The following CCDC88B variants were observed in gnomAD, a reference collection of about 807,000 sequenced individuals.
CCDC88B encodes the protein coiled-coil domain-containing protein 88B.
A neutral mutation model predicts 183.7 loss-of-function variants in CCDC88B; 138 were observed. The ratio of observed to expected loss-of-function variants is 0.75; its 90% CI spans 0.65 to 0.87. The LOEUF (loss-of-function observed/expected upper bound fraction) is 0.87. Among genes scored for constraint, CCDC88B ranks in the 40% least tolerant of loss-of-function variants. The pLI is 0.00. For synonymous variants in CCDC88B, 835 were observed against 867.5 expected (o/e 0.96, Z 0.66); for missense variants, 1,822 against 1,965.6 (o/e 0.93, Z 1.38).
In CCDC88B at chr11:64,340,674, A is replaced by C; in HGVS notation, c.128A>C (p.Glu43Ala). Residue 43 changes from glutamate (E) to alanine (A), a missense_variant, in exon 2 of 27, where the codon GAA becomes GCA. Coordinates refer to ENST00000356786, the MANE Select transcript of CCDC88B (RefSeq NM_032251.6). ...DSEGEEEEEE[E>A]EPPLWLEKRF... ...GAGGGGGAAGAAGAGGAAGAGGAGG[A>C]AGAGCCGCCCCTTTGGTTGGAGAAG... is the stretch of plus-strand genomic sequence containing the variant. 6.2e-7 allele frequency: 1 copy of C among 1,612,124 alleles called. No individual in the cohort carries two copies. Among genetic ancestry groups the C allele is most frequent in the Non-Finnish European group, 8.5e-7 (1 of 1,179,796 alleles).
chr11:64,344,587 T>G lies in CCDC88B; in HGVS notation c.2046T>G (p.His682Gln). The change falls in exon 14 of 27, where the codon CAT (histidine) becomes CAG (glutamine). Residue 682 changes from histidine to glutamine, a missense_variant. By Grantham distance (24) the His-to-Gln change is conservative. Transcript: ENST00000356786. The surrounding 1 kb of genome is among the most constrained non-coding windows in gnomAD (Gnocchi z 4.5). ...CGGGACAAGCAGAGGCCAGAGAGCA[T>G]GACCAGAGGCTGGAAGGGACGGTCA... ...LATGQAEARE[H>Q]DQRLEGTVRD... 1 of 1,609,780 alleles carries G rather than the reference T, an allele frequency of 6.2e-7. No homozygotes were observed. The highest frequency in any genetic ancestry group is 1.1e-5 in the South Asian group (1 of 90,608).
In CCDC88B at chr11:64,347,502, A is replaced by G. The variant is rs536814493; in HGVS notation, c.2617-1829A>G. ...AGAGTAATTTGCTCAGAGACCCATT[A>G]TGAGGATGGGGGGTGGGGAGAACAC... On this transcript the variant is annotated intron_variant, in intron 14 of 26. Coordinates refer to ENST00000356786, the MANE Select transcript of CCDC88B (RefSeq NM_032251.6). Among the ~76,000 whole-genome samples, 17 of 152,252 alleles carry G rather than the reference A, an allele frequency of 1.1e-4. No individual in the cohort carries two copies. The South Asian group carries it at 3.3e-3, about 30-fold the overall frequency.
chr11:64,347,336 G>A (rs989803130), intron 14 of CCDC88B, among the ~76,000 whole-genome samples: 2 of 152,238 alleles, frequency 1.3e-5, no homozygotes, highest in African/African-American at 4.8e-5. Flanking sequence ...GTGAAAAGGC[G>A]CGAGGAAGGG....
chr11:64,353,279 G>T, intron 21 of CCDC88B, 39 bp downstream of exon 21: 2 of 1,575,480 alleles, frequency 1.3e-6, no homozygotes, highest in Admixed American at 1.8e-5. Context: ...GGCGTGTGGT[G>T]GGGCAGAAAG....
chr11:64,346,505 A>G (rs2036110898), intron 14 of CCDC88B, among the ~76,000 whole-genome samples: 1 of 149,046 alleles, frequency 6.7e-6, no homozygotes, highest in South Asian at 2.1e-4. Flanking sequence ...CAGTGGTGCT[A>G]TCTCGGCTCA....
chr11:64,344,840 A>C lies in CCDC88B; in HGVS notation c.2299A>C (p.Lys767Gln). ...AAACACGGAGGCTGCCCGCCTCTCC[A>C]AGGAGCTGGCCCAAGCGCGAAGGGC... is the stretch of plus-strand genomic sequence containing the variant. ...AQNTEAARLS[K>Q]ELAQARRAEA... Residue 767 changes from lysine (K) to glutamine (Q), a missense_variant, in exon 14 of 27, where the codon AAG becomes CAG. By Grantham distance (53) the Lys-to-Gln change is moderately conservative. Transcript: ENST00000356786. The surrounding 1 kb of genome is among the most constrained non-coding windows in gnomAD (Gnocchi z 4.5). 6.2e-7 allele frequency: 1 copy of C among 1,612,124 alleles called. No individual in the cohort carries two copies. The highest frequency in any genetic ancestry group is 8.5e-7 in the Non-Finnish European group (1 of 1,179,336).
At chr11:64,349,911 G>C (rs2036264536) in intron 16 of CCDC88B, 10 of 563,530 alleles carry the variant, frequency 1.8e-5, no homozygotes, top group Admixed American at 9.1e-5. Context: ...GTGGATGACT[G>C]CTCCGCCTGT....
intron 11 of CCDC88B, 25 bp downstream of exon 11, chr11:64,343,350 T>C (rs1315783570): frequency 3.9e-6 from 6 of 1,548,136 alleles, no homozygotes; most frequent in Non-Finnish European, 5.2e-6. Flanking sequence ...GTGATCCCAC[T>C]TGGGTTGCCC....
chr11:64,344,799 G>T lies in CCDC88B; in HGVS notation c.2258G>T (p.Arg753Leu), dbSNP rs200509973. The change falls in exon 14 of 27, where the codon CGC (arginine) becomes CTC (leucine). Residue 753 changes from arginine to leucine, a missense_variant. Arg to Leu is a moderately radical substitution (Grantham distance 102). Transcript: ENST00000356786. This position sits in a 1 kb window ranked among gnomAD's most constrained non-coding sequence, Gnocchi z 4.5. ...ALGDELEAQA[R>L]KLEAQNTEAA... ...GGAGATGAGCTGGAAGCCCAGGCCC[G>T]CAAGCTGGAGGCCCAAAACACGGAG... 3 of 1,612,968 alleles carry T rather than the reference G, an allele frequency of 1.9e-6. No individual in the cohort carries two copies. Among genetic ancestry groups the T allele is most frequent in the East Asian group, 2.2e-5 (1 of 44,848 alleles).
At position 64,345,206 on chromosome 11, in the gene CCDC88B, G is replaced by A. The variant is rs533531912; in HGVS notation, c.2616+49G>A. ...CTGGGGTTGGGAAGCAGAGTTCCAG[G>A]CTGTTGGGAGTTACTGATTCCATCA... is the stretch of plus-strand genomic sequence containing the variant. On this transcript the variant is annotated intron_variant, in intron 14 of 26. Coordinates refer to ENST00000356786, the MANE Select transcript of CCDC88B (RefSeq NM_032251.6). The A allele has an allele frequency of 6.7e-4, 1,013 of 1,520,002 alleles. 18 individuals carry two copies. In the South Asian group the frequency reaches 0.012, roughly 18 times the overall value. 94.2% of individuals were successfully genotyped at this position (1,520,002 alleles called of 1,614,324 possible). A position where few individuals can be genotyped will look rare whatever the true frequency, so the allele number is the denominator to read the frequency against.
chr11:64,352,328 C>T lies in CCDC88B; in HGVS notation c.3298C>T (p.Arg1100Ter), dbSNP rs373807311. 2.1e-5 allele frequency: 33 copies of T among 1,548,668 alleles called. No homozygotes were observed. Among genetic ancestry groups the T allele is most frequent in the African/African-American group, 2.7e-5 (2 of 73,044 alleles). The change falls in exon 19 of 27, where the codon CGA (arginine) becomes TGA (stop). Residue 1100 changes from arginine (R) to a stop codon, truncating the protein, a stop_gained. Transcript: ENST00000356786. LOFTEE classifies it high-confidence loss of function. ...GCTAGAGGGACTGCTGGTGCGGCAC[C>T]GAGACCTCAAGGCCAACATGCGGGC... ...AELEGLLVRH[R>*]DLKANMRALE... is the part of the protein sequence containing the mutation.
At chr11:64,342,499 C>T (rs1423812975) in intron 9 of CCDC88B, 23 bp from the exon 10 acceptor site, 4 of 1,527,138 alleles carry the variant, frequency 2.6e-6, no homozygotes, top group Non-Finnish European at 3.5e-6. Context: ...TGGCTGTTCC[C>T]AGCTCCACAC....
chr11:64,342,848 T>C, intron 10 of CCDC88B, 168 bp downstream of exon 10: 1 of 448,214 alleles, frequency 2.2e-6, no homozygotes. Flanking sequence ...GGAAAGGGCC[T>C]CCAGAGGATG....
Position 64,342,355 on chromosome 11 carries a change from A to G in CCDC88B, c.883A>G (p.Ile295Val), listed in dbSNP as rs754109718. 1.3e-6 allele frequency: 2 copies of G among 1,591,042 alleles called. No homozygotes were observed. The highest frequency in any genetic ancestry group is 1.8e-5 in the Admixed American group (1 of 56,440). Residue 295 changes from isoleucine (I) to valine (V), a missense_variant, in exon 9 of 27, where the codon ATA (isoleucine) becomes GTA (valine). Coordinates refer to ENST00000356786, the MANE Select transcript of CCDC88B (RefSeq NM_032251.6). ...QAEVQGLEAE[I>V]RRLRQEAQAL... is the part of the protein sequence containing the mutation. ...CGAGGTGCAGGGTTTGGAGGCCGAAATAAGAAGGCTCCGCCAGGAGGTGCG... is the reference window on the plus strand; with the variant it reads ...CGAGGTGCAGGGTTTGGAGGCCGAAGTAAGAAGGCTCCGCCAGGAGGTGCG...
chr11:64,344,595 G>A lies in CCDC88B; in HGVS notation c.2054G>A (p.Arg685Lys), dbSNP rs1472406068. Reference sequence around the variant, plus strand: ...GCAGAGGCCAGAGAGCATGACCAGAGGCTGGAAGGGACGGTCAGGGACCCA... The same window carrying A: ...GCAGAGGCCAGAGAGCATGACCAGAAGCTGGAAGGGACGGTCAGGGACCCA... ...GQAEAREHDQ[R>K]LEGTVRDPAW... Residue 685 changes from arginine (R) to lysine (K), a missense_variant, in exon 14 of 27, where the codon AGG becomes AAG. Coordinates refer to ENST00000356786, the MANE Select transcript of CCDC88B (RefSeq NM_032251.6). This position sits in a 1 kb window ranked among gnomAD's most constrained non-coding sequence, Gnocchi z 4.5. 6.2e-7 allele frequency: 1 copy of A among 1,610,964 alleles called. No individual in the cohort carries two copies.
rs148331635 is a variant in CCDC88B, at chr11:64,352,209, C to T, written c.3179C>T (p.Ala1060Val). ...LEVLEEEVRA[A>V]RQSQEETRGQ... is the part of the protein sequence containing the mutation. ...GTGCTGGAGGAGGAGGTGCGGGCGG[C>T]ACGGCAGTCCCAGGAGGAGACCCGC... Residue 1060 changes from alanine (A) to valine (V), a missense_variant, in exon 19 of 27, where the codon GCA becomes GTA. By Grantham distance (64) the Ala-to-Val change is moderately conservative (BLOSUM62 0). Coordinates refer to ENST00000356786, the MANE Select transcript of CCDC88B (RefSeq NM_032251.6). The T allele has an allele frequency of 9.2e-3, 14,786 of 1,607,298 alleles. 161 individuals carry two copies. The highest frequency in any genetic ancestry group is 0.037 in the South Asian group (3,344 of 90,352).
intron 10 of CCDC88B, 167 bp downstream of exon 10, chr11:64,342,847 C>T: frequency 3.8e-6 from 3 of 784,380 alleles, no homozygotes; most frequent in Non-Finnish European, 5.8e-6. Flanking sequence ...GGGAAAGGGC[C>T]TCCAGAGGAT....
chr11:64,342,393 C>A lies in CCDC88B; in HGVS notation c.903+18C>A. 1 of 1,564,104 alleles carries A rather than the reference C, an allele frequency of 6.4e-7. No individual in the cohort carries two copies. The highest frequency in any genetic ancestry group is 1.4e-5 in the African/African-American group (1 of 73,944). The stretch of plus-strand genomic sequence containing the variant: ...GCCAGGAGGTGCGCTCACATGCTCC[C>A]CGCCACCGCGGCATTCCCTAACCTC... On this transcript the variant is annotated intron_variant, in intron 9 of 26. Coordinates refer to ENST00000356786, the MANE Select transcript of CCDC88B (RefSeq NM_032251.6).
intron 26 of CCDC88B, 89 bp from the exon 27 acceptor site, chr11:64,356,950 T>C: frequency 2.3e-6 from 3 of 1,311,962 alleles, no homozygotes; most frequent in South Asian, 2.9e-5. Flanking sequence ...AGGTCGGGGG[T>C]GGGCAGAAGG....
Sources: allele counts gnomAD v4.1 joint callset (sites outside exome capture counted in the v4.1 genomes callset), GRCh38; gene constraint gnomAD v4.1.1; non-coding constraint Gnocchi (gnomAD v3.1); transcripts MANE v1.5; gene names NCBI Gene and HGNC (gene_info 2026-07-23, HGNC 2026-07-21).